Variants in ARHGAP42 observed in about 807,000 individuals in gnomAD.
ARHGAP42 encodes the protein Rho GTPase activating protein 42, also known as rho GTPase-activating protein 42.
In ARHGAP42, 63 loss-of-function variants were observed where a neutral mutation model predicts 125.0. The observed-to-expected ratio is 0.50, with a 90% confidence interval of 0.41 to 0.62. ARHGAP42 has a LOEUF of 0.62. ARHGAP42 is among the 20% of genes least tolerant of loss of function. The pLI is 0.00. For missense variants in ARHGAP42, 766 were observed against 1,024.2 expected (o/e 0.75, Z 3.44); for synonymous variants, 339 against 351.0 (o/e 0.97, Z 0.38).
At position 100,779,485 on chromosome 11, in the gene ARHGAP42, T is replaced by TACACACACAC. The variant is rs1288145501; in HGVS notation, c.250+9051_250+9060dup. 2.8e-3 allele frequency among the ~76,000 whole-genome samples: 230 copies of TACACACACAC among 81,406 alleles called. 1 individual carries two copies. Among genetic ancestry groups the TACACACACAC allele is most frequent in the Middle Eastern group, 0.019 (2 of 106 alleles). 53.4% of individuals were successfully genotyped at this position (81,406 alleles called of 152,430 possible). On this transcript the variant is annotated intron_variant, in intron 2 of 23. Transcript: ENST00000298815. Reference sequence around the variant, plus strand: ...AAAAAAAAATATATATATATATATATACACACACACACATATATACACGTA... The same window carrying TACACACACAC: ...AAAAAAAAATATATATATATATATATACACACACACACACACACACACATATATACACGTA...
intron 12 of ARHGAP42, among the ~76,000 whole-genome samples, chr11:100,953,931 C>T (rs1279306380): frequency 1.3e-5 from 2 of 152,232 alleles, no homozygotes; most frequent in Non-Finnish European, 2.9e-5. Context: ...CAAGCCATGA[C>T]ACTGGGGACA....
intron 4 of ARHGAP42, among the ~76,000 whole-genome samples, chr11:100,879,464 A>G (rs1315867622): frequency 6.6e-6 from 1 of 152,184 alleles, no homozygotes; most frequent in Non-Finnish European, 1.5e-5. Flanking sequence ...CCCTTCAGGG[A>G]AGGACATTCA....
intron 4 of ARHGAP42, among the ~76,000 whole-genome samples, chr11:100,883,730 C>G (rs1017866129): frequency 5.3e-5 from 8 of 152,220 alleles, no homozygotes; most frequent in Middle Eastern, 3.4e-3. Context: ...GGTTTAGAAG[C>G]CTTTTTTGGA....
At chr11:100,878,040 A>G (rs1053784210) in intron 4 of ARHGAP42, among the ~76,000 whole-genome samples, 1 of 150,200 alleles carries the variant, frequency 6.7e-6, no homozygotes, top group African/African-American at 2.4e-5. Flanking sequence ...GGTGTTACCT[A>G]TCCTCAAGTG....
intron 1 of ARHGAP42, among the ~76,000 whole-genome samples, chr11:100,718,080 A>T (rs1861697095): frequency 6.7e-6 from 1 of 150,018 alleles, no homozygotes; most frequent in South Asian, 2.1e-4. Flanking sequence ...AAAATAAAAA[A>T]TTGAGGTACA....
intron 17 of ARHGAP42, among the ~76,000 whole-genome samples, 180 bp from the exon 18 acceptor site, chr11:100,972,995 G>A (rs1858292860): frequency 6.6e-6 from 1 of 152,080 alleles, no homozygotes; most frequent in South Asian, 2.1e-4. Context: ...GTGAGTTAAT[G>A]TTATCTGTTT....
In ARHGAP42 at chr11:100,859,616, T is replaced by C. The variant is rs926843923; in HGVS notation, c.375T>C (p.Gly125=). ...PLEKFRKEQI[G]AAKDGKKKFD... ...AGAAATTTCGAAAAGAACAGATAGG[T>C]GCAGCAAAAGTAAGTGTTACATTTT... The change falls in exon 4 of 24, where the codon GGT becomes GGC. Residue 125 remains glycine, a synonymous_variant. Coordinates refer to ENST00000298815, the MANE Select transcript of ARHGAP42 (RefSeq NM_152432.4). The C allele has an allele frequency of 5.5e-5, 83 of 1,498,966 alleles. No individual in the cohort carries two copies. Among genetic ancestry groups the C allele is most frequent in the Non-Finnish European group, 7.1e-5 (80 of 1,124,260 alleles). 92.9% of individuals were successfully genotyped at this position (1,498,966 alleles called of 1,614,324 possible).
At chr11:100,702,776 A>G (rs2120209268) in intron 1 of ARHGAP42, among the ~76,000 whole-genome samples, 1 of 151,230 alleles carries the variant, frequency 6.6e-6, no homozygotes. Context: ...GGTTCAAGCG[A>G]TTCTCCTGCC....
rs1405758464 is a variant in ARHGAP42 at position 100,875,547 on chromosome 11, A to G, written c.384+15922A>G. On this transcript the variant is annotated intron_variant, in intron 4 of 23. Transcript: ENST00000298815. ...GACACTGGGGGGAGGGTTTGCAGTG[A>G]GGCAGCCCTCAGCCACTCTCGGCCG... Among the ~76,000 whole-genome samples, 17 of 152,286 alleles carry G rather than the reference A, an allele frequency of 1.1e-4. No individual in the cohort carries two copies. In the East Asian group the frequency reaches 2.5e-3, roughly 23 times the overall value.
intron 1 of ARHGAP42, among the ~76,000 whole-genome samples, chr11:100,746,763 C>A (rs551990238): frequency 6.6e-6 from 1 of 152,212 alleles, no homozygotes; most frequent in East Asian, 1.9e-4. Context: ...ACCATAGAAG[C>A]GCTCTAAAGT....
chr11:100,741,753 G>T (rs959973154), intron 1 of ARHGAP42, among the ~76,000 whole-genome samples: 3 of 152,168 alleles, frequency 2.0e-5, no homozygotes, highest in Non-Finnish European at 2.9e-5. Flanking sequence ...AAGCAGAAAT[G>T]AATTTTGGTG....
intron 19 of ARHGAP42, among the ~76,000 whole-genome samples, chr11:100,974,828 C>T (rs926638478): frequency 1.8e-4 from 28 of 152,000 alleles, no homozygotes; most frequent in African/African-American, 6.8e-4. Flanking sequence ...GGGCTCAAGG[C>T]CCTTTTTTCT....
chr11:100,750,762 G>T (rs914920964), intron 1 of ARHGAP42, among the ~76,000 whole-genome samples: 4 of 152,130 alleles, frequency 2.6e-5, no homozygotes, highest in African/African-American at 9.7e-5. Flanking sequence ...GCAGGTTATC[G>T]AATATGGTTG....
intron 6 of ARHGAP42, among the ~76,000 whole-genome samples, chr11:100,922,027 A>T (rs1208291995): frequency 1.3e-5 from 2 of 152,024 alleles, no homozygotes; most frequent in African/African-American, 2.4e-5. Flanking sequence ...GCATAAGGGA[A>T]CTTCATTCTT....
At chr11:100,806,193 C>A (rs1863985343) in intron 3 of ARHGAP42, among the ~76,000 whole-genome samples, 2 of 152,270 alleles carry the variant, frequency 1.3e-5, no homozygotes, top group South Asian at 4.1e-4. Flanking sequence ...ATCTGATAAA[C>A]CTATTTAAGT....
chr11:100,940,637 T>C (rs1473550930), intron 8 of ARHGAP42, among the ~76,000 whole-genome samples: 1 of 152,216 alleles, frequency 6.6e-6, no homozygotes, highest in Non-Finnish European at 1.5e-5. Flanking sequence ...TTTCTTCTCA[T>C]ATAAATAGTG....
Position 100,944,315 on chromosome 11 carries a change from G to T in ARHGAP42, c.1043+447G>T, listed in dbSNP as rs1867960473. ...AATGCCTCCAGGATGCCTCCTGTGT[G>T]CAAAGCACTGTTCCGGGTATTCTTA... On this transcript the variant is annotated intron_variant, in intron 10 of 23. Transcript: ENST00000298815. Among the ~76,000 whole-genome samples the T allele has an allele frequency of 1.3e-5, 2 of 152,066 alleles. 1 individual carries two copies. The highest frequency in any genetic ancestry group is 4.1e-4 in the South Asian group (2 of 4,830).
chr11:100,880,400 A>G (rs1393443478), intron 4 of ARHGAP42, among the ~76,000 whole-genome samples: 2 of 152,212 alleles, frequency 1.3e-5, no homozygotes, highest in Non-Finnish European at 2.9e-5. Flanking sequence ...AATAGTCTCC[A>G]GTCTCATTCA....
intron 6 of ARHGAP42, among the ~76,000 whole-genome samples, chr11:100,926,347 A>G (rs753884724): frequency 5.9e-5 from 9 of 152,306 alleles, no homozygotes; most frequent in East Asian, 1.9e-4. Flanking sequence ...GCAGATAGGA[A>G]CTCAGAACCC....
Sources: gnomAD v4.1 joint callset for allele counts (sites outside exome capture counted in the v4.1 genomes callset) on GRCh38, gnomAD v4.1.1 for gene constraint, MANE v1.5 for transcripts, NCBI Gene and HGNC (gene_info 2026-07-23, HGNC 2026-07-21) for gene names.